The following THRB variants were observed in gnomAD, a reference collection of about 807,000 sequenced individuals.
THRB encodes the protein thyroid hormone receptor beta, also known as nuclear receptor subfamily 1 group A member 2.
Under a neutral mutation model 47.8 loss-of-function variants are expected in THRB, and 12 were observed. The observed-to-expected ratio is 0.25, with a 90% CI of 0.16 to 0.41. The LOEUF is 0.41. THRB is among the 10% of genes least tolerant of loss of function. The pLI, the probability that THRB is intolerant of heterozygous loss-of-function variation, is 1.00. For missense variants in THRB, 348 were observed against 589.2 expected (o/e 0.59, Z 4.24); for synonymous variants, 218 against 212.2 (o/e 1.03, Z -0.24).
At chr3:24,327,056 C>T (rs2061644615) in intron 2 of THRB, among the ~76,000 whole-genome samples, 2 of 152,136 alleles carry the variant, frequency 1.3e-5, no homozygotes, top group African/African-American at 4.8e-5. Context: ...AGCCACTGCT[C>T]CCTGTCAAAG....
intron 3 of THRB, among the ~76,000 whole-genome samples, chr3:24,257,029 G>T (rs1217328315): frequency 6.6e-6 from 1 of 152,130 alleles, no homozygotes; most frequent in Non-Finnish European, 1.5e-5. Context: ...TGGGTTCTCG[G>T]TTGTGATAGC....
chr3:24,447,603 C>T (rs558341947), intron 1 of THRB, among the ~76,000 whole-genome samples: 113 of 152,220 alleles, frequency 7.4e-4, no homozygotes, highest in Middle Eastern at 3.4e-3. Flanking sequence ...CCATGACCCT[C>T]TTCTTTGAAA....
At chr3:24,230,082 T>C (rs1475038768) in intron 3 of THRB, among the ~76,000 whole-genome samples, 1 of 152,230 alleles carries the variant, frequency 6.6e-6, no homozygotes, top group Admixed American at 6.5e-5. Context: ...AGGAACAATC[T>C]TGTTAAATAA....
At chr3:24,245,533 AC>A (rs934346323) in intron 3 of THRB, among the ~76,000 whole-genome samples, 1 of 152,096 alleles carries the variant, frequency 6.6e-6, no homozygotes, top group African/African-American at 2.4e-5. Flanking sequence ...AAAAAACCCA[AC>A]TTTACAAAAC....
intron 1 of THRB, among the ~76,000 whole-genome samples, chr3:24,464,001 C>CT (rs1402137368): frequency 1.3e-5 from 2 of 152,164 alleles, no homozygotes; most frequent in East Asian, 3.9e-4. Context: ...AATCCCAGCA[C>CT]TTTGGGAGGC....
At chr3:24,290,262 T>C (rs538682398) in intron 3 of THRB, among the ~76,000 whole-genome samples, 84 of 152,316 alleles carry the variant, frequency 5.5e-4, no homozygotes, top group Non-Finnish European at 7.4e-4. Flanking sequence ...GGAAGTTTAC[T>C]GGGTTACTTT....
At chr3:24,308,445 C>T (rs1024197845) in intron 2 of THRB, among the ~76,000 whole-genome samples, 1 of 152,096 alleles carries the variant, frequency 6.6e-6, no homozygotes, top group Non-Finnish European at 1.5e-5. Flanking sequence ...CTGGTGGATA[C>T]AGAACATCCC....
At chr3:24,464,341 ATGTCATTAAAC>A (rs1560251396) in intron 1 of THRB, among the ~76,000 whole-genome samples, 1 of 152,182 alleles carries the variant, frequency 6.6e-6, no homozygotes, top group Non-Finnish European at 1.5e-5. Context: ...AAATAAATCT[ATGTCATTAAAC>A]TTTAGCCCAA....
intron 4 of THRB, 59 bp downstream of exon 4, chr3:24,228,879 T>G (rs2047964952): frequency 6.8e-7 from 1 of 1,476,974 alleles, no homozygotes; most frequent in South Asian, 1.2e-5. Context: ...ATCTATAATT[T>G]CACTCTAGGT....
chr3:24,390,209 TTTATAA>T (rs2066455167), intron 1 of THRB, among the ~76,000 whole-genome samples: 1 of 152,154 alleles, frequency 6.6e-6, no homozygotes, highest in African/African-American at 2.4e-5. Flanking sequence ...TGCTAGGCAC[TTTATAA>T]TTATAAGGTA....
At chr3:24,245,938 AAAAC>A (rs2050071947) in intron 3 of THRB, among the ~76,000 whole-genome samples, 1 of 152,078 alleles carries the variant, frequency 6.6e-6, no homozygotes, top group Non-Finnish European at 1.5e-5. Context: ...AAAACAAAAC[AAAAC>A]AAACAGAGGG....
chr3:24,217,710 A>G (rs4858106), intron 4 of THRB, among the ~76,000 whole-genome samples: 40,833 of 151,986 alleles, frequency 0.27, 6,927 homozygotes, highest in African/African-American at 0.49. Flanking sequence ...ACATGATGTG[A>G]TTGTATCATG....
intron 1 of THRB, chr3:24,458,961 T>C (rs1046197037): frequency 6.6e-6 from 1 of 151,170 alleles, no homozygotes; most frequent in Non-Finnish European, 1.5e-5. Flanking sequence ...TAAATATTTA[T>C]ATATTTATTT....
intron 1 of THRB, among the ~76,000 whole-genome samples, chr3:24,357,420 G>A (rs550855206): frequency 8.1e-6 from 1 of 124,174 alleles, no homozygotes. Flanking sequence ...CTTACCATTT[G>A]AATAGAAATA....
intron 1 of THRB, among the ~76,000 whole-genome samples, chr3:24,417,138 A>ACACACG (rs142143378): frequency 1.8e-4 from 27 of 151,206 alleles, no homozygotes; most frequent in African/African-American, 6.3e-4. Context: ...ACACACACAC[A>ACACACG]CGCGCAACGC....
intron 3 of THRB, among the ~76,000 whole-genome samples, chr3:24,296,756 T>C (rs1247524507): frequency 6.6e-6 from 1 of 152,198 alleles, no homozygotes; most frequent in African/African-American, 2.4e-5. Context: ...GGGGAGGATG[T>C]TCCTGGCAGA....
intron 1 of THRB, among the ~76,000 whole-genome samples, chr3:24,403,650 ACAAAATAAGC>A: frequency 6.6e-6 from 1 of 152,116 alleles, no homozygotes. Flanking sequence ...TTGCAGAAAA[ACAAAATAAGC>A]CAGTTCCACT....
rs143418802 is a variant in THRB at position 24,125,240 on chromosome 3, G to T, written c.1145-2115C>A. Among the ~76,000 whole-genome samples the T allele has an allele frequency of 1.3e-4, 20 of 152,274 alleles. No individual in the cohort carries two copies. The East Asian group carries it at 3.1e-3, about 23-fold the overall frequency. The stretch of plus-strand genomic sequence containing the variant: ...AGCCTTTGTTACTTTGGAGCTGAAG[G>T]TTCTGGCTGAACATTGCTCCTGAGA... On this transcript the variant is annotated intron_variant, in intron 10 of 10. Coordinates refer to ENST00000646209, the MANE Select transcript of THRB (RefSeq NM_001354712.2).
chr3:24,257,265 G>A (rs1003954632), intron 3 of THRB, among the ~76,000 whole-genome samples: 3 of 151,168 alleles, frequency 2.0e-5, no homozygotes, highest in African/African-American at 7.3e-5. Context: ...TATATTTTTT[G>A]GTATATCAAA....
Sources: allele counts gnomAD v4.1 joint callset (sites outside exome capture counted in the v4.1 genomes callset), GRCh38; gene constraint gnomAD v4.1.1; transcripts MANE v1.5; gene names NCBI Gene and HGNC (gene_info 2026-07-23, HGNC 2026-07-21).